Variants in FAM83A observed in about 807,000 individuals in gnomAD.
The protein encoded by FAM83A is protein FAM83A.
A neutral mutation model predicts 24.4 loss-of-function variants in FAM83A; 21 were observed. The ratio of observed to expected loss-of-function variants is 0.86; its 90% confidence interval spans 0.61 to 1.24. FAM83A has a LOEUF of 1.24. Among genes scored for constraint, FAM83A ranks in the 50% most tolerant of loss-of-function variants. The probability of loss-of-function intolerance (pLI) is 0.00; values close to 1 mark genes in which losing one functional copy is unlikely to be tolerated. For synonymous variants in FAM83A, 270 were observed against 252.4 expected, an observed-to-expected ratio of 1.07 and a Z score of -0.66; for missense variants, 617 against 579.8, an observed-to-expected ratio of 1.06 and a Z score of -0.66.
At chr8:123,181,883 T>A, upstream of FAM83A, 1 of 361,840 alleles carries the variant, frequency 2.8e-6, no homozygotes, top group Admixed American at 3.2e-5. Flanking sequence ...AGAGCCTGTT[T>A]CCAGCAGAGC....
chr8:123,179,557 C>T (rs1243147043), upstream of FAM83A: 2 of 152,184 alleles, frequency 1.3e-5, no homozygotes, highest in Non-Finnish European at 2.9e-5. Context: ...CAGTTCCCAG[C>T]TCACTGGCAG....
chr8:123,181,965 C>T (rs190841322), upstream of FAM83A: 43 of 450,406 alleles, frequency 9.5e-5, no homozygotes, highest in Middle Eastern at 2.3e-3. Flanking sequence ...GGAAAGAACA[C>T]GTGGTCACTC....
Position 123,182,734 on chromosome 8 carries a change from T to G in FAM83A, c.-123T>G. On this transcript the variant is annotated 5_prime_UTR_variant, in exon 1 of 4. Transcript: ENST00000690554. ...TTGGAGGTGCCCTGCACGCCGGTCC[T>G]GGGAGCAGGCGGCCTCCCGGGGGTG... 2.8e-6 allele frequency: 4 copies of G among 1,428,736 alleles called. No homozygotes were observed. In the South Asian group the frequency reaches 5.2e-5, roughly 19 times the overall value. The allele number at this position is 1,428,736 out of a possible 1,614,324, so 88.5% of individuals were successfully genotyped here.
At chr8:123,186,416 C>T (rs1823799222) in intron 1 of FAM83A, among the ~76,000 whole-genome samples, 2 of 148,046 alleles carry the variant, frequency 1.4e-5, no homozygotes, top group South Asian at 4.4e-4. Context: ...TCCTAAGCCT[C>T]AGCCCCCGAG....
exon 4 of FAM83A, chr8:123,207,746 A>G: frequency 7.1e-7 from 1 of 1,409,904 alleles, no homozygotes; most frequent in Non-Finnish European, 9.2e-7. Context: ...CTGAGACCCA[A>G]AGACCCACCT....
At position 123,209,261 on chromosome 8, in the gene FAM83A, TG is replaced by T. The variant is rs1183777358; in HGVS notation, c.*1574del. 2.3e-6 allele frequency: 3 copies of T among 1,282,394 alleles called. No homozygotes were observed. Among genetic ancestry groups the T allele is most frequent in the Non-Finnish European group, 2.9e-6 (3 of 1,022,002 alleles). The allele number at this position is 1,282,394 out of a possible 1,614,324, so 79.4% of individuals were successfully genotyped here. A position where few individuals can be genotyped will look rare whatever the true frequency, so the allele number is the denominator to read the frequency against. On this transcript the variant is annotated 3_prime_UTR_variant, in exon 4 of 4. Transcript: ENST00000690554. The surrounding 1 kb of genome is among the most constrained non-coding windows in gnomAD (Gnocchi z 4.7). ...CTTCCTCCTGGTGGCCTCTGACCCC[TG>T]ACGGCCTGTGGCATCCTCCCTAGTC...
chr8:123,209,579 G>T lies in FAM83A; in HGVS notation c.*1891G>T. On this transcript the variant is annotated 3_prime_UTR_variant, in exon 4 of 4. Transcript: ENST00000690554. This position sits in a 1 kb window ranked among gnomAD's most constrained non-coding sequence, Gnocchi z 4.7. ...GGGCCCGGCTGAACATTCCAAATTG[G>T]ATTTCACCATCTGCTGAGAAAGTTT... The T allele has an allele frequency of 6.2e-7, 1 of 1,610,344 alleles. No homozygotes were observed. Among genetic ancestry groups the T allele is most frequent in the Non-Finnish European group, 8.5e-7 (1 of 1,177,054 alleles).
chr8:123,182,114 G>A (rs905812891), upstream of FAM83A: 2 of 456,278 alleles, frequency 4.4e-6, no homozygotes, highest in Non-Finnish European at 8.8e-6. Flanking sequence ...CACTTCCAGC[G>A]AGGAAGCGTT....
exon 1 of FAM83A, chr8:123,183,089 C>T: frequency 6.2e-7 from 1 of 1,613,910 alleles, no homozygotes; most frequent in South Asian, 1.1e-5. Context: ...GCCAGGGAGC[C>T]CCCGTGTCCC....
chr8:123,205,379 G>T (rs557552478), intron 3 of FAM83A, among the ~76,000 whole-genome samples: 1 of 152,250 alleles, frequency 6.6e-6, no homozygotes. Context: ...TTGTCCCTGC[G>T]CTTGCCTCCT....
intron 1 of FAM83A, among the ~76,000 whole-genome samples, chr8:123,191,324 A>G (rs765692736): frequency 4.7e-4 from 71 of 152,178 alleles, no homozygotes; most frequent in Non-Finnish European, 9.1e-4. Flanking sequence ...AGGCGCTTAT[A>G]TACGGTGCCT....
At chr8:123,182,408 G>C (rs1215223497), upstream of FAM83A, 1 of 366,308 alleles carries the variant, frequency 2.7e-6, no homozygotes, top group Admixed American at 3.5e-5. Context: ...GGGGAGCAGA[G>C]GCAGGCAGGC....
chr8:123,207,470 C>T lies in FAM83A; in HGVS notation c.1087C>T (p.Pro363Ser), dbSNP rs761238871. The change falls in exon 4 of 4, where the codon CCG becomes TCG. Residue 363 changes from proline to serine, a missense_variant. By Grantham distance (74) the Pro-to-Ser change is moderately conservative. Coordinates refer to ENST00000690554, the Ensembl canonical transcript of FAM83A. ...GCCCTGTAGCCCCGCGGCCCCACAC[C>T]CGCCTCCACCGCCCCGGTTCCAGCC... 12 of 1,587,138 alleles carry T rather than the reference C, an allele frequency of 7.6e-6. No individual in the cohort carries two copies. The East Asian group carries it at 2.5e-4, about 33-fold the overall frequency.
exon 1 of FAM83A, chr8:123,182,756 G>A: frequency 6.8e-7 from 1 of 1,480,038 alleles, no homozygotes; most frequent in Non-Finnish European, 9.1e-7. Context: ...GCCTCCCGGG[G>A]GTGCGGGAGC....
At chr8:123,192,584 G>A (rs1824018545) in intron 2 of FAM83A, among the ~76,000 whole-genome samples, 2 of 152,202 alleles carry the variant, frequency 1.3e-5, no homozygotes, top group Non-Finnish European at 2.9e-5. Flanking sequence ...ACCACCCATA[G>A]CTTTCATGAG....
chr8:123,195,723 T>G (rs548759352), intron 3 of FAM83A, among the ~76,000 whole-genome samples: 1 of 152,000 alleles, frequency 6.6e-6, no homozygotes, highest in East Asian at 1.9e-4. Context: ...TGTGACACAG[T>G]GAAAGTGTAT....
chr8:123,179,349 CTCTT>C (rs1823540951), upstream of FAM83A: 1 of 152,192 alleles, frequency 6.6e-6, no homozygotes, highest in South Asian at 2.1e-4. Flanking sequence ...TTCCTTCTCT[CTCTT>C]TCTTCTGCCA....
exon 2 of FAM83A, chr8:123,191,902 G>T (rs1040748674): frequency 6.2e-7 from 1 of 1,614,162 alleles, no homozygotes; most frequent in African/African-American, 1.3e-5. Flanking sequence ...TGTGCTCCTG[G>T]ACCAGGGAGG....
chr8:123,185,983 G>T (rs888173737), intron 1 of FAM83A, among the ~76,000 whole-genome samples: 4 of 152,050 alleles, frequency 2.6e-5, no homozygotes, highest in Admixed American at 6.5e-5. Flanking sequence ...TAGAGATGGG[G>T]TTTCACCATG....
Sources: allele counts gnomAD v4.1 joint callset (sites outside exome capture counted in the v4.1 genomes callset), GRCh38; gene constraint gnomAD v4.1.1; non-coding constraint Gnocchi (gnomAD v3.1); transcripts MANE v1.5; gene names NCBI Gene and HGNC (gene_info 2026-07-23, HGNC 2026-07-21).